The following ODAD1 variants were observed in gnomAD, a reference collection of about 807,000 sequenced individuals.
ODAD1 encodes the protein outer dynein arm docking complex subunit 1, also known as outer dynein arm-docking complex subunit 1.
Under a neutral mutation model 67.2 loss-of-function variants are expected in ODAD1, and 49 were observed. The observed-to-expected ratio is 0.73, with a 90% confidence interval of 0.58 to 0.92. The LOEUF (loss-of-function observed/expected upper bound fraction) is 0.92, where lower values mean the gene tolerates loss of function less well. ODAD1 is among the 40% of genes least tolerant of loss of function. The pLI is 0.00. For synonymous variants in ODAD1, 345 were observed against 393.7 expected (o/e 0.88, Z 1.46); for missense variants, 897 against 953.7 (o/e 0.94, Z 0.78).
rs757486402 is a variant in ODAD1 at position 48,302,794 on chromosome 19, C to G, written c.1140G>C (p.Gln380His). ...DDQHLLQEQQQKVLQQRMDKV... is the reference protein window; with the variant it reads ...DDQHLLQEQQHKVLQQRMDKV... ...TGTCCATGCGCTGCTGCAACACCTT[C>G]TGCTGCTGCTCCTGCAGCAAATGCT... Residue 380 changes from glutamine to histidine, a missense_variant, in exon 12 of 16, where the codon CAG (glutamine) becomes CAC (histidine). Physicochemically the swap from Gln to His is conservative, Grantham distance 24. Coordinates refer to ENST00000674294, the MANE Select transcript of ODAD1 (RefSeq NM_001364171.2). 6.2e-7 allele frequency: 1 copy of G among 1,613,836 alleles called. No homozygotes were observed. The highest frequency in any genetic ancestry group is 8.5e-7 in the Non-Finnish European group (1 of 1,179,816).
chr19:48,303,546 A>G (rs1968526597), intron 10 of ODAD1, 104 bp downstream of exon 10: 2 of 1,403,772 alleles, frequency 1.4e-6, no homozygotes, highest in Admixed American at 3.8e-5. Context: ...TTCCTCCAGC[A>G]CAGATGGAGG....
At chr19:48,309,094 C>CA (rs1287935729) in intron 7 of ODAD1, among the ~76,000 whole-genome samples, 1 of 152,178 alleles carries the variant, frequency 6.6e-6, no homozygotes, top group Non-Finnish European at 1.5e-5. Context: ...CCCCCCTCCC[C>CA]ACCCCGATCC....
chr19:48,303,204 G>A (rs191481952), intron 10 of ODAD1, 109 bp from the exon 11 acceptor site: 385 of 837,788 alleles, frequency 4.6e-4, no homozygotes, highest in Non-Finnish European at 7.2e-4. Flanking sequence ...TGAAGATGAG[G>A]AAGGCCACAC....
In ODAD1 at chr19:48,298,269, T is replaced by C. The variant is rs755924787; in HGVS notation, c.1312A>G (p.Ser438Gly). 1.9e-6 allele frequency: 3 copies of C among 1,614,158 alleles called. No individual in the cohort carries two copies. Among genetic ancestry groups the C allele is most frequent in the Admixed American group, 1.7e-5 (1 of 60,024 alleles). The change falls in exon 13 of 16, where the codon AGC becomes GGC. Residue 438 changes from serine (S) to glycine (G), a missense_variant. By Grantham distance (56) the Ser-to-Gly change is moderately conservative. Coordinates refer to ENST00000674294, the MANE Select transcript of ODAD1 (RefSeq NM_001364171.2). ...AGGCCCATGTCCCGGTCTCCCATGC[T>C]GGTCTTGACCCCAAGGAGGTCATCG... ...MIDDLLGVKT[S>G]MGDRDMGLFL...
In ODAD1 at chr19:48,299,148, G is replaced by A. The variant is rs146356934; in HGVS notation, c.1241-808C>T. 8.6e-4 allele frequency among the ~76,000 whole-genome samples: 131 copies of A among 152,232 alleles called. 1 individual carries two copies. The highest frequency in any genetic ancestry group is 3.0e-3 in the African/African-American group (125 of 41,556). On this transcript the variant is annotated intron_variant, in intron 12 of 15. Coordinates refer to ENST00000674294, the MANE Select transcript of ODAD1 (RefSeq NM_001364171.2). ...GGACAGGCTGGGTGCAGTGGCTCAC[G>A]CCTGTAATCCAGCACTTTGGGAAGC...
In ODAD1 at chr19:48,318,732, G is replaced by A. The variant is rs1357552630; in HGVS notation, c.151C>T (p.Gln51Ter). The change falls in exon 4 of 16, where the codon CAG becomes TAG. Residue 51 changes from glutamine (Q) to a stop codon, truncating the protein, a stop_gained. Coordinates refer to ENST00000674294, the MANE Select transcript of ODAD1 (RefSeq NM_001364171.2). LOFTEE classifies it high-confidence loss of function. ...GCTCACAGTTGCTTGTTGATGCGCT[G>A]GTGGACTTCCTTGCTGTAGGCCCGC... ...ERRAYSKEVH[Q>*]RINKQLEEIR... 5 of 1,550,568 alleles carry A rather than the reference G, an allele frequency of 3.2e-6. No homozygotes were observed. The highest frequency in any genetic ancestry group is 4.4e-6 in the Non-Finnish European group (5 of 1,146,244).
In ODAD1 at chr19:48,321,742, C is replaced by G. The variant is rs1969033854; in HGVS notation, c.-128G>C. On this transcript the variant is annotated 5_prime_UTR_variant, in exon 1 of 16. Coordinates refer to ENST00000674294, the MANE Select transcript of ODAD1 (RefSeq NM_001364171.2). ...TGACCTGTATGGAAGCCCTCGAAGC[C>G]AGGCCGAGGTCCTACAAGACGGAGC... The G allele has an allele frequency of 2.5e-6, 1 of 397,800 alleles. No individual in the cohort carries two copies. Among genetic ancestry groups the G allele is most frequent in the Admixed American group, 4.4e-5 (1 of 22,692 alleles). The allele number at this position is 397,800 out of a possible 1,614,324, so 24.6% of individuals were successfully genotyped here.
At chr19:48,303,130 G>A in intron 10 of ODAD1, 35 bp from the exon 11 acceptor site, 1 of 1,470,798 alleles carries the variant, frequency 6.8e-7, no homozygotes, top group Non-Finnish European at 9.5e-7. Flanking sequence ...CCCAGAGAGA[G>A]GGAGACAGAG....
intron 2 of ODAD1, 61 bp from the exon 3 acceptor site, chr19:48,320,452 G>A: frequency 1.7e-5 from 17 of 974,816 alleles, no homozygotes; most frequent in Non-Finnish European, 2.3e-5. Context: ...CAGAGAGGGT[G>A]GACAATGAAC....
At chr19:48,303,516 G>T in intron 10 of ODAD1, 134 bp downstream of exon 10, 1 of 1,132,620 alleles carries the variant, frequency 8.8e-7, no homozygotes. Flanking sequence ...CGGGCGGCGG[G>T]TCCCAGGCAT....
At position 48,318,957 on chromosome 19, in the gene ODAD1, G is replaced by GC. The variant is rs1055801742; in HGVS notation, c.71-146dup. The GC allele has an allele frequency of 6.5e-6, 4 of 612,708 alleles. No individual in the cohort carries two copies. In the African/African-American group the frequency reaches 7.4e-5, roughly 11 times the overall value. The allele number at this position is 612,708 out of a possible 1,614,324, so 38.0% of individuals were successfully genotyped here. The stretch of plus-strand genomic sequence containing the variant: ...CAGCCCCCAACACCCCTCTAGGAAT[G>GC]CACCTCAGTTCCGGGATCCCTCGAG... On this transcript the variant is annotated intron_variant, in intron 3 of 15. Transcript: ENST00000674294.
chr19:48,297,791 C>A lies in ODAD1; in HGVS notation c.1503-123G>T, dbSNP rs1968344035. ...CACCAGCCCCGAGTGCCCTTCCCTTCTGGGGCACCCGGGGCCCCATCCTCC... is the reference window on the plus strand; with the variant it reads ...CACCAGCCCCGAGTGCCCTTCCCTTATGGGGCACCCGGGGCCCCATCCTCC... On this transcript the variant is annotated intron_variant, in intron 14 of 15. Transcript: ENST00000674294. The A allele has an allele frequency of 6.2e-6, 6 of 968,978 alleles. No homozygotes were observed. In the South Asian group the frequency reaches 1.1e-4, roughly 18 times the overall value. The allele number at this position is 968,978 out of a possible 1,614,324, so 60.0% of individuals were successfully genotyped here. A position where few individuals can be genotyped will look rare whatever the true frequency, so the allele number is the denominator to read the frequency against.
At position 48,297,395 on chromosome 19, in the gene ODAD1, G is replaced by A. The variant is rs758118416; in HGVS notation, c.1705C>T (p.Leu569=). The part of the protein sequence containing the change: ...STQRAGSSTV[L]VPTRHPHAIP... ...GCATGGGGGTGCCTGGTGGGCACCA[G>A]GACGGTACTGGAGCCGGCCCTCTGG... The change falls in exon 16 of 16, where the codon CTG becomes TTG. Residue 569 remains leucine (L), a synonymous_variant. Transcript: ENST00000674294. 3 of 1,606,492 alleles carry A rather than the reference G, an allele frequency of 1.9e-6. No homozygotes were observed. The highest frequency in any genetic ancestry group is 2.2e-5 in the East Asian group (1 of 44,890).
intron 7 of ODAD1, among the ~76,000 whole-genome samples, chr19:48,307,702 C>G (rs1968647052): frequency 6.6e-6 from 1 of 151,896 alleles, no homozygotes; most frequent in Non-Finnish European, 1.5e-5. Flanking sequence ...GTAGTCCCAG[C>G]TACTCGGGAG....
At position 48,297,969 on chromosome 19, in the gene ODAD1, C is replaced by G. The variant is rs201658022; in HGVS notation, c.1502+31G>C. On this transcript the variant is annotated intron_variant, in intron 14 of 15. Transcript: ENST00000674294. ...CCTCTGCCCCCATGGAAGCCCCGTC[C>G]CCTCTGCGTCCCTCCTGCCCTGCGC... 6.5e-6 allele frequency: 10 copies of G among 1,550,242 alleles called. No individual in the cohort carries two copies. The East Asian group carries it at 2.2e-4, about 35-fold the overall frequency.
intron 5 of ODAD1, among the ~76,000 whole-genome samples, chr19:48,316,509 C>T (rs966198074): frequency 4.6e-5 from 7 of 152,104 alleles, no homozygotes; most frequent in Non-Finnish European, 7.4e-5. Context: ...TGGTATGGAC[C>T]GTCTTTTTAA....
intron 8 of ODAD1, among the ~76,000 whole-genome samples, chr19:48,305,353 C>T (rs949404047): frequency 1.3e-5 from 2 of 151,986 alleles, no homozygotes; most frequent in Admixed American, 6.6e-5. Flanking sequence ...ATAACAAATT[C>T]GCCAGATGCT....
intron 3 of ODAD1, 51 bp from the exon 4 acceptor site, chr19:48,318,863 C>G (rs1311907188): frequency 8.5e-7 from 1 of 1,171,810 alleles, no homozygotes; most frequent in East Asian, 2.6e-5. Context: ...GCCACCAGCT[C>G]CTCCCAACCC....
intron 12 of ODAD1, among the ~76,000 whole-genome samples, chr19:48,301,729 C>A (rs1043462763): frequency 1.3e-5 from 2 of 149,894 alleles, no homozygotes; most frequent in Admixed American, 6.6e-5. Flanking sequence ...GAGGGATAGA[C>A]CCTGGATGGA....
Sources: gnomAD v4.1 joint callset for allele counts (sites outside exome capture counted in the v4.1 genomes callset) on GRCh38, gnomAD v4.1.1 for gene constraint, MANE v1.5 for transcripts, NCBI Gene and HGNC (gene_info 2026-07-23, HGNC 2026-07-21) for gene names.